Variants in INSYN1 observed in about 807,000 individuals in gnomAD.
INSYN1 encodes inhibitory synaptic factor 1.
INSYN1 carries 7 observed loss-of-function variants against 17.1 expected under a neutral mutation model. The ratio of observed to expected loss-of-function variants is 0.41; its 90% CI spans 0.23 to 0.77. The LOEUF is 0.77. INSYN1 is among the 30% of genes least tolerant of loss of function. INSYN1 has a pLI of 0.32. For missense variants in INSYN1, 339 were observed against 400.6 expected (o/e 0.85, Z 1.31); for synonymous variants, 174 against 166.3 (o/e 1.05, Z -0.36).
intron 2 of INSYN1, 74 bp downstream of exon 2, chr15:73,750,901 A>G (rs1371144476): frequency 1.3e-6 from 2 of 1,532,032 alleles, no homozygotes; most frequent in East Asian, 4.5e-5. Context: ...CAACGTATTT[A>G]TGAGTACGTT....
intron 2 of INSYN1, among the ~76,000 whole-genome samples, chr15:73,743,862 AGAAAAAG>A (rs1901757624): frequency 6.8e-6 from 1 of 147,388 alleles, no homozygotes; most frequent in Non-Finnish European, 1.5e-5. Flanking sequence ...AAAAAAAGAA[AGAAAAAG>A]AAAATTTAAC....
intron 2 of INSYN1, among the ~76,000 whole-genome samples, chr15:73,748,913 G>A (rs577007710): frequency 1.3e-5 from 2 of 152,184 alleles, no homozygotes; most frequent in South Asian, 2.1e-4. Context: ...AGTGGCATAC[G>A]GGGTAGGCTC....
Position 73,740,221 on chromosome 15 carries a change from A to G in INSYN1, c.578T>C (p.Leu193Pro), listed in dbSNP as rs762339433. Reference protein sequence around the residue: ...RERVRFSDKVLYHALCCDDEE... With the variant: ...RERVRFSDKVPYHALCCDDEE... ...ATCGTCACAGCACAGAGCATGGTAGAGCACTTTGTCACTGAACCGCACCCT... is the reference window on the plus strand; with the variant it reads ...ATCGTCACAGCACAGAGCATGGTAGGGCACTTTGTCACTGAACCGCACCCT... Residue 193 changes from leucine to proline, a missense_variant, in exon 3 of 3, where the codon CTC (leucine) becomes CCC (proline). Coordinates refer to ENST00000569673, the MANE Select transcript of INSYN1 (RefSeq NM_001039614.3). 2 of 1,614,060 alleles carry G rather than the reference A, an allele frequency of 1.2e-6. No individual in the cohort carries two copies. The highest frequency in any genetic ancestry group is 1.7e-6 in the Non-Finnish European group (2 of 1,180,010).
Position 73,751,051 on chromosome 15 carries a change from T to A in INSYN1, c.80A>T (p.Gln27Leu). 1 of 1,614,056 alleles carries A rather than the reference T, an allele frequency of 6.2e-7. No individual in the cohort carries two copies. The highest frequency in any genetic ancestry group is 1.3e-5 in the African/African-American group (1 of 75,032). The change falls in exon 2 of 3, where the codon CAG becomes CTG. Residue 27 changes from glutamine to leucine, a missense_variant. Coordinates refer to ENST00000569673, the MANE Select transcript of INSYN1 (RefSeq NM_001039614.3). The stretch of plus-strand genomic sequence containing the variant: ...CTGCCCGATGACCATCTTCATGCGC[T>A]GTCGAATCCGCTCCCGCTCACCACC... The part of the protein sequence containing the change: ...SSGGERERIR[Q>L]RMKMVIGQLE...
chr15:73,740,705 G>A, intron 2 of INSYN1, 63 bp from the exon 3 acceptor site: 1 of 1,305,534 alleles, frequency 7.7e-7, no homozygotes, highest in Non-Finnish European at 1.1e-6. Context: ...AGCCAGGTGT[G>A]AGTGTGTCTC....
At chr15:73,746,432 C>T (rs12442096) in intron 2 of INSYN1, among the ~76,000 whole-genome samples, 58,414 of 152,098 alleles carry the variant, frequency 0.38, 11,645 homozygotes, top group East Asian at 0.58. Flanking sequence ...GGTCCCCAGC[C>T]TCTCCTGCTC....
chr15:73,750,514 G>A (rs147880891), intron 2 of INSYN1, among the ~76,000 whole-genome samples: 1 of 152,288 alleles, frequency 6.6e-6, no homozygotes, highest in African/African-American at 2.4e-5. Flanking sequence ...GATTTCTAGG[G>A]ATATGCTTTG....
rs114253598 is a variant in INSYN1 at position 73,747,714 on chromosome 15, A to G, written c.156+3261T>C. Among the ~76,000 whole-genome samples the G allele has an allele frequency of 1.9e-3, 286 of 152,354 alleles. 1 individual carries two copies. Among genetic ancestry groups the G allele is most frequent in the African/African-American group, 6.6e-3 (274 of 41,580 alleles). On this transcript the variant is annotated intron_variant, in intron 2 of 2. Transcript: ENST00000569673. ...CTACAGGCATCTAGCTGCAGAGCCC[A>G]TGCTCATAGCCCCTGAGCTGTTCTG...
Position 73,740,436 on chromosome 15 carries a change from G to C in INSYN1, c.363C>G (p.Pro121=). Residue 121 remains proline, a synonymous_variant, in exon 3 of 3, where the codon CCC becomes CCG. Coordinates refer to ENST00000569673, the MANE Select transcript of INSYN1 (RefSeq NM_001039614.3). Reference sequence around the variant, plus strand: ...ACTCGGGACCATCCACGGAGTCCGAGGGGGTAGAGACGTCCAGGAAGGAGC... The same window carrying C: ...ACTCGGGACCATCCACGGAGTCCGACGGGGTAGAGACGTCCAGGAAGGAGC... ...EFCSFLDVST[P]SDSVDGPEST... is the part of the protein sequence containing the mutation. 1.9e-6 allele frequency: 3 copies of C among 1,613,688 alleles called. No individual in the cohort carries two copies. Among genetic ancestry groups the C allele is most frequent in the South Asian group, 1.1e-5 (1 of 91,058 alleles).
intron 2 of INSYN1, among the ~76,000 whole-genome samples, chr15:73,747,803 T>G (rs565569321): frequency 1.3e-5 from 2 of 152,270 alleles, no homozygotes; most frequent in African/African-American, 4.8e-5. Flanking sequence ...ACTGGCCCGG[T>G]ATCCTGGAGT....
intron 2 of INSYN1, among the ~76,000 whole-genome samples, chr15:73,748,891 C>G (rs1901905669): frequency 6.6e-6 from 1 of 152,156 alleles, no homozygotes; most frequent in South Asian, 2.1e-4. Context: ...GTGCCATTGG[C>G]AGCGGGCAGG....
In INSYN1 at chr15:73,752,348, G is replaced by A. The variant is rs1902012119; in HGVS notation, c.-806C>T. The A allele has an allele frequency of 2.6e-5, 4 of 152,324 alleles. No homozygotes were observed. The South Asian group carries it at 8.3e-4, about 31-fold the overall frequency. The allele number at this position is 152,324 out of a possible 1,614,324, so 9.4% of individuals were successfully genotyped here. A position where few individuals can be genotyped will look rare whatever the true frequency, so the allele number is the denominator to read the frequency against. On this transcript the variant is annotated 5_prime_UTR_variant, in exon 1 of 3. Coordinates refer to ENST00000569673, the MANE Select transcript of INSYN1 (RefSeq NM_001039614.3). This position sits in a 1 kb window ranked among gnomAD's most constrained non-coding sequence, Gnocchi z 5.2. The stretch of plus-strand genomic sequence containing the variant: ...CTTTCTCAAGCCTCTCCAGGCTCGG[G>A]GTCGGGAATGAGCGAGGGTCCGGCA...
chr15:73,736,371 T>G lies in INSYN1; in HGVS notation c.*3546A>C, dbSNP rs1051185683. 1 of 150,896 alleles carries G rather than the reference T, an allele frequency of 6.6e-6. No individual in the cohort carries two copies. Among genetic ancestry groups the G allele is most frequent in the Admixed American group, 6.6e-5 (1 of 15,168 alleles). The allele number at this position is 150,896 out of a possible 1,614,324, so 9.3% of individuals were successfully genotyped here. A position where few individuals can be genotyped will look rare whatever the true frequency, so the allele number is the denominator to read the frequency against. ...TTGGGAGGCCAAGGCAGGTGGATCA[T>G]CGGAGGTCAGGAGTTCAAAGATGAG... On this transcript the variant is annotated 3_prime_UTR_variant, in exon 3 of 3. Coordinates refer to ENST00000569673, the MANE Select transcript of INSYN1 (RefSeq NM_001039614.3).
At chr15:73,745,767 C>A (rs1401950176) in intron 2 of INSYN1, among the ~76,000 whole-genome samples, 1 of 149,480 alleles carries the variant, frequency 6.7e-6, no homozygotes, top group South Asian at 2.1e-4. Flanking sequence ...CGAGATCACA[C>A]CACTGCACTC....
At chr15:73,749,392 C>G (rs1015738223) in intron 2 of INSYN1, among the ~76,000 whole-genome samples, 1 of 152,060 alleles carries the variant, frequency 6.6e-6, no homozygotes, top group Admixed American at 6.6e-5. Flanking sequence ...GGTGGCTATG[C>G]GGTGGGGAGA....
chr15:73,739,906 C>G lies in INSYN1; in HGVS notation c.*11G>C, dbSNP rs979870553. 2.8e-6 allele frequency: 4 copies of G among 1,407,144 alleles called. No homozygotes were observed. The highest frequency in any genetic ancestry group is 4.0e-6 in the Non-Finnish European group (4 of 1,011,592). The allele number at this position is 1,407,144 out of a possible 1,614,324, so 87.2% of individuals were successfully genotyped here. Reference sequence around the variant, plus strand: ...CTATGTGCCCACCGCCCCCGGCCCCCTCCCCGGCCCCTAGTTTTTCCCCCT... The same window carrying G: ...CTATGTGCCCACCGCCCCCGGCCCCGTCCCCGGCCCCTAGTTTTTCCCCCT... On this transcript the variant is annotated 3_prime_UTR_variant, in exon 3 of 3. Coordinates refer to ENST00000569673, the MANE Select transcript of INSYN1 (RefSeq NM_001039614.3).
rs1300030051 is a variant in INSYN1, at chr15:73,736,207, C to T, written c.*3710G>A. ...ACCCCAAGGACAGGGAGCTCACTAC[C>T]CAGAAGCAGCCCATGCCATGACTCA... On this transcript the variant is annotated 3_prime_UTR_variant, in exon 3 of 3. Transcript: ENST00000569673. The T allele has an allele frequency of 6.6e-6, 1 of 152,318 alleles. No individual in the cohort carries two copies. Among genetic ancestry groups the T allele is most frequent in the Non-Finnish European group, 1.5e-5 (1 of 68,108 alleles). 9.4% of individuals were successfully genotyped at this position (152,318 alleles called of 1,614,324 possible). A position where few individuals can be genotyped will look rare whatever the true frequency, so the allele number is the denominator to read the frequency against.
At position 73,753,063 on chromosome 15, in the gene INSYN1, G is replaced by T. The variant is rs1902035561; in HGVS notation, c.-1521C>A. Among the ~76,000 whole-genome samples the T allele has an allele frequency of 8.7e-5, 13 of 150,132 alleles. No homozygotes were observed. The South Asian group carries it at 2.7e-3, about 31-fold the overall frequency. ...GCTACCTCCCGTCCGTTCGCTCTCG[G>T]CTCCCCGCCTCAGCAGCCCCCGGGC... On this transcript the variant is annotated 5_prime_UTR_variant, in exon 1 of 3. Transcript: ENST00000569673. This position sits in a 1 kb window ranked among gnomAD's most constrained non-coding sequence, Gnocchi z 4.2.
At position 73,752,049 on chromosome 15, in the gene INSYN1, C is replaced by G. The variant is rs1440963984; in HGVS notation, c.-568+61G>C. Reference sequence around the variant, plus strand: ...CTAGCGCCCCCAGGGTGCCCTCGTTCCCAGCGGACCCTCCCTCCCCCAGCC... The same window carrying G: ...CTAGCGCCCCCAGGGTGCCCTCGTTGCCAGCGGACCCTCCCTCCCCCAGCC... On this transcript the variant is annotated intron_variant, in intron 1 of 2. Coordinates refer to ENST00000569673, the MANE Select transcript of INSYN1 (RefSeq NM_001039614.3). The surrounding 1 kb of genome is among the most constrained non-coding windows in gnomAD (Gnocchi z 5.2). 2 of 151,382 alleles carry G rather than the reference C, an allele frequency of 1.3e-5. No homozygotes were observed. The highest frequency in any genetic ancestry group is 2.9e-5 in the Non-Finnish European group (2 of 68,088). The allele number at this position is 151,382 out of a possible 1,614,324, so 9.4% of individuals were successfully genotyped here.
Sources: gnomAD v4.1 joint callset for allele counts (sites outside exome capture counted in the v4.1 genomes callset) on GRCh38, gnomAD v4.1.1 for gene constraint, Gnocchi (gnomAD v3.1) non-coding constraint, MANE v1.5 for transcripts, NCBI Gene and HGNC (gene_info 2026-07-23, HGNC 2026-07-21) for gene names.